Variants in TRIM50 observed in about 807,000 individuals in gnomAD.
TRIM50 encodes the protein E3 ubiquitin-protein ligase TRIM50.
Under a neutral mutation model 44.9 loss-of-function variants are expected in TRIM50, and 34 were observed. The ratio of observed to expected loss-of-function variants is 0.76; its 90% confidence interval spans 0.58 to 1.01. The LOEUF is 1.01. TRIM50 is among the 50% of genes least tolerant of loss of function. The pLI is 0.00. For synonymous variants in TRIM50, 307 were observed against 291.1 expected (o/e 1.05, Z -0.56); for missense variants, 633 against 663.7 (o/e 0.95, Z 0.51).
At chr7:73,323,477 A>C (rs1804541039) in intron 2 of TRIM50, among the ~76,000 whole-genome samples, 2 of 152,218 alleles carry the variant, frequency 1.3e-5, no homozygotes, top group African/African-American at 4.8e-5. Flanking sequence ...GGCCTCCCAA[A>C]GTGCTGTTAT....
intron 1 of TRIM50, among the ~76,000 whole-genome samples, chr7:73,327,087 G>A (rs2115795044): frequency 6.6e-6 from 1 of 152,244 alleles, no homozygotes; most frequent in East Asian, 1.9e-4. Context: ...CACCGCGCCT[G>A]TCCTGTTATA....
Position 73,313,076 on chromosome 7 carries a change from G to A in TRIM50, c.1309C>T (p.Arg437Trp), listed in dbSNP as rs1284270506. The A allele has an allele frequency of 1.9e-6, 3 of 1,589,768 alleles. No homozygotes were observed. Among genetic ancestry groups the A allele is most frequent in the African/African-American group, 1.3e-5 (1 of 74,562 alleles). ...FFDADRPDDL[R>W]PLYTFQADFQ... ...TCGGCCTGGAAGGTGTAGAGCGGCCGCAGGTCATCGGGGCGGTCGGCATCG... is the reference window on the plus strand; with the variant it reads ...TCGGCCTGGAAGGTGTAGAGCGGCCACAGGTCATCGGGGCGGTCGGCATCG... The change falls in exon 7 of 7, where the codon CGG becomes TGG. Residue 437 changes from arginine to tryptophan, a missense_variant. Arg to Trp is a moderately radical substitution (Grantham distance 101). Coordinates refer to ENST00000333149, the MANE Select transcript of TRIM50 (RefSeq NM_178125.3). The surrounding 1 kb of genome is among the most constrained non-coding windows in gnomAD (Gnocchi z 4.9).
At chr7:73,315,604 C>T (rs1804338276) in intron 6 of TRIM50, among the ~76,000 whole-genome samples, 1 of 152,222 alleles carries the variant, frequency 6.6e-6, no homozygotes, top group Non-Finnish European at 1.5e-5. Flanking sequence ...GTCCTCCCAC[C>T]TTGGCCTCCC....
At chr7:73,315,081 C>A in intron 6 of TRIM50, 1 of 333,048 alleles carries the variant, frequency 3.0e-6, no homozygotes, top group Non-Finnish European at 5.8e-6. Flanking sequence ...TGGAAGCTAC[C>A]AGGACCAATT....
At chr7:73,315,280 G>C (rs558002915) in intron 6 of TRIM50, 1 of 147,772 alleles carries the variant, frequency 6.8e-6, no homozygotes, top group South Asian at 2.1e-4. Context: ...AAAAAAAAAA[G>C]AAATGTGAGA....
rs782118413 is a variant in TRIM50 at position 73,313,438 on chromosome 7, A to C, written c.947T>G (p.Val316Gly). ...CCGCTGGGCCAGAAGCCCGCACTGC[A>C]CCACCGTGTTGCCCTTGGAGAGCTC... The part of the protein sequence containing the change: ...LLELSKGNTV[V>G]QCGLLAQRRA... The change falls in exon 7 of 7, where the codon GTG (valine) becomes GGG (glycine). Residue 316 changes from valine (V) to glycine (G), a missense_variant. Transcript: ENST00000333149. The surrounding 1 kb of genome is among the most constrained non-coding windows in gnomAD (Gnocchi z 4.9). 4.2e-5 allele frequency: 65 copies of C among 1,561,834 alleles called. No homozygotes were observed. The highest frequency in any genetic ancestry group is 3.3e-4 in the Middle Eastern group (2 of 6,006).
intron 5 of TRIM50, 193 bp from the exon 6 acceptor site, chr7:73,316,882 T>C (rs1804374546): frequency 3.9e-6 from 3 of 767,402 alleles, no homozygotes; most frequent in Non-Finnish European, 5.8e-6. Flanking sequence ...GGGGAAACGC[T>C]CTATAGTGGT....
At position 73,313,801 on chromosome 7, in the gene TRIM50, T is replaced by G. The variant is rs1586472972; in HGVS notation, c.875-291A>C. Among the ~76,000 whole-genome samples, 10 of 152,130 alleles carry G rather than the reference T, an allele frequency of 6.6e-5. 1 individual carries two copies. In the East Asian group the frequency reaches 1.9e-3, roughly 29 times the overall value. On this transcript the variant is annotated intron_variant, in intron 6 of 6. Coordinates refer to ENST00000333149, the MANE Select transcript of TRIM50 (RefSeq NM_178125.3). This position sits in a 1 kb window ranked among gnomAD's most constrained non-coding sequence, Gnocchi z 4.9. The stretch of plus-strand genomic sequence containing the variant: ...TAAAAGGGAGCAGCTTGGTGGGCTG[T>G]GGGGGGCTGAGGTGGCTGGAGAAAG...
At chr7:73,314,129 A>G in intron 6 of TRIM50, 2 of 366,424 alleles carry the variant, frequency 5.5e-6, no homozygotes, top group Non-Finnish European at 5.1e-6. Context: ...AAGAAGGCCA[A>G]GGGGAAGAAG....
intron 6 of TRIM50, chr7:73,314,075 TG>T: frequency 3.4e-6 from 1 of 295,770 alleles, no homozygotes; most frequent in South Asian, 3.8e-5. Context: ...TGCTCCCCCC[TG>T]CCCGCCTCCC....
rs1258868243 is a variant in TRIM50 at position 73,316,759 on chromosome 7, T to C, written c.750-70A>G. On this transcript the variant is annotated intron_variant, in intron 5 of 6. Coordinates refer to ENST00000333149, the MANE Select transcript of TRIM50 (RefSeq NM_178125.3). The stretch of plus-strand genomic sequence containing the variant: ...GCCCACCCCACCCCTCCATCCTATC[T>C]ATGTTTGCCCAGCCAGATCCACAGT... 16 of 1,574,526 alleles carry C rather than the reference T, an allele frequency of 1.0e-5. No individual in the cohort carries two copies. The Admixed American group carries it at 2.3e-4, about 22-fold the overall frequency.
At chr7:73,318,337 A>G (rs1158262078) in intron 5 of TRIM50, among the ~76,000 whole-genome samples, 1 of 152,088 alleles carries the variant, frequency 6.6e-6, no homozygotes, top group African/African-American at 2.4e-5. Context: ...GGGTCTTACT[A>G]CATTGGCCAG....
chr7:73,324,528 T>C lies in TRIM50; in HGVS notation c.260A>G (p.Lys87Arg), dbSNP rs782383345. Residue 87 changes from lysine to arginine, a missense_variant, in exon 2 of 7, where the codon AAG becomes AGG. Coordinates refer to ENST00000333149, the MANE Select transcript of TRIM50 (RefSeq NM_178125.3). ...CGGGTTCCGGTGGTGCACGCAGACC[T>C]TGGGCTCCGGGTCCCCAGGGAGCCT... ...ALRLPGDPEP[K>R]VCVHHRNPLS... 7.4e-6 allele frequency: 12 copies of C among 1,613,976 alleles called. No homozygotes were observed. The East Asian group carries it at 2.0e-4, about 27-fold the overall frequency.
chr7:73,325,014 A>ATGTGTGTG (rs3040867), intron 1 of TRIM50, among the ~76,000 whole-genome samples: 3,950 of 141,986 alleles, frequency 0.028, 65 homozygotes, highest in Middle Eastern at 0.049. Context: ...CCTTGAAGAT[A>ATGTGTGTG]TGTGTGTGTG....
At chr7:73,321,507 C>T (rs1804494570) in intron 2 of TRIM50, among the ~76,000 whole-genome samples, 1 of 152,140 alleles carries the variant, frequency 6.6e-6, no homozygotes. Context: ...TGAATCCATT[C>T]CTGGTGGGCT....
rs1804511930 is a variant in TRIM50 at position 73,322,176 on chromosome 7, C to T, written c.400-1934G>A. Reference sequence around the variant, plus strand: ...CATCCTGGCTAACACGGTGAAACCCCGCCTCTACTAAAAATACAAAAAATT... The same window carrying T: ...CATCCTGGCTAACACGGTGAAACCCTGCCTCTACTAAAAATACAAAAAATT... On this transcript the variant is annotated intron_variant, in intron 2 of 6. Coordinates refer to ENST00000333149, the MANE Select transcript of TRIM50 (RefSeq NM_178125.3). 4.6e-5 allele frequency among the ~76,000 whole-genome samples: 7 copies of T among 152,148 alleles called. No individual in the cohort carries two copies. In the South Asian group the frequency reaches 1.2e-3, roughly 27 times the overall value.
At chr7:73,318,731 G>A (rs1310209054) in intron 4 of TRIM50, 22 bp from the exon 5 acceptor site, 15 of 1,613,888 alleles carry the variant, frequency 9.3e-6, no homozygotes, top group South Asian at 1.1e-5. Flanking sequence ...GAGAGAGGGA[G>A]GTTAAGGCTA....
chr7:73,322,226 G>A (rs1804513386), intron 2 of TRIM50, among the ~76,000 whole-genome samples: 2 of 152,258 alleles, frequency 1.3e-5, no homozygotes, highest in Non-Finnish European at 2.9e-5. Context: ...GTGGGCGCCT[G>A]TAGTCCCAGC....
intron 6 of TRIM50, chr7:73,314,492 A>T: frequency 2.6e-6 from 1 of 382,866 alleles, no homozygotes; most frequent in Non-Finnish European, 5.0e-6. Context: ...GGATGTCCCC[A>T]CTAAGAGGCC....
Sources: gnomAD v4.1 joint callset for allele counts (sites outside exome capture counted in the v4.1 genomes callset) on GRCh38, gnomAD v4.1.1 for gene constraint, Gnocchi (gnomAD v3.1) non-coding constraint, MANE v1.5 for transcripts, NCBI Gene and HGNC (gene_info 2026-07-23, HGNC 2026-07-21) for gene names.